The following PKN2 variants were observed in gnomAD, a reference collection of about 807,000 sequenced individuals.
PKN2 encodes the protein protein kinase N2, also known as serine/threonine-protein kinase N2.
Under a neutral mutation model 119.1 loss-of-function variants are expected in PKN2, and 38 were observed. That is an observed-to-expected ratio of 0.32 (90% CI 0.25 to 0.42). The LOEUF (loss-of-function observed/expected upper bound fraction) is 0.42, where lower values mean the gene tolerates loss of function less well. Ranked by LOEUF, PKN2 falls within the 10% of genes least tolerant of loss-of-function variation. PKN2 has a pLI of 1.00. For synonymous variants in PKN2, 390 were observed against 384.9 expected (o/e 1.01, Z -0.15); for missense variants, 850 against 1,165.1 (o/e 0.73, Z 3.94).
chr1:88,684,705 GA>G, intron 1 of PKN2, 77 bp downstream of exon 1: 2 of 1,304,514 alleles, frequency 1.5e-6, no homozygotes, highest in Non-Finnish European at 2.0e-6. Flanking sequence ...GGGGACCGAG[GA>G]AAGCCCTGCG....
At chr1:88,748,954 A>C (rs570657852) in intron 2 of PKN2, among the ~76,000 whole-genome samples, 41 of 152,238 alleles carry the variant, frequency 2.7e-4, no homozygotes, top group Middle Eastern at 3.4e-3. Flanking sequence ...TAAACTGCCA[A>C]ATATATTCTA....
At chr1:88,746,431 A>T (rs542600671) in intron 2 of PKN2, among the ~76,000 whole-genome samples, 34 of 152,314 alleles carry the variant, frequency 2.2e-4, no homozygotes, top group African/African-American at 7.0e-4. Context: ...AATCTTATTT[A>T]AAAAATGGGC....
At chr1:88,734,765 A>G (rs1668273110) in intron 1 of PKN2, among the ~76,000 whole-genome samples, 1 of 152,136 alleles carries the variant, frequency 6.6e-6, no homozygotes, top group Admixed American at 6.5e-5. Context: ...TATTTCTTAT[A>G]GGTTTTTGCT....
intron 1 of PKN2, among the ~76,000 whole-genome samples, chr1:88,722,854 G>A (rs1256424814): frequency 2.6e-5 from 4 of 151,936 alleles, no homozygotes; most frequent in African/African-American, 9.7e-5. Flanking sequence ...ATAGTAGTGA[G>A]CAAGAAAGAT....
At chr1:88,830,571 A>G (rs139528707) in intron 19 of PKN2, among the ~76,000 whole-genome samples, 131 of 152,212 alleles carry the variant, frequency 8.6e-4, no homozygotes, top group African/African-American at 3.0e-3. Context: ...TTTACTCTCC[A>G]TATTAGAGAT....
chr1:88,786,023 T>C (rs768726690), intron 7 of PKN2, 81 bp from the exon 8 acceptor site: 1 of 786,540 alleles, frequency 1.3e-6, no homozygotes, highest in Non-Finnish European at 2.2e-6. Context: ...CTTAAGACTT[T>C]TATTGCTAAT....
At chr1:88,749,916 T>G (rs1279441757) in intron 2 of PKN2, among the ~76,000 whole-genome samples, 1 of 152,208 alleles carries the variant, frequency 6.6e-6, no homozygotes, top group East Asian at 1.9e-4. Context: ...ATCCTGGCTA[T>G]TCAAGTACCA....
chr1:88,698,693 C>G (rs1157743074), intron 1 of PKN2, among the ~76,000 whole-genome samples: 1 of 152,084 alleles, frequency 6.6e-6, no homozygotes, highest in Non-Finnish European at 1.5e-5. Context: ...TTCAATTAGT[C>G]CTACTCCCCA....
chr1:88,825,323 A>G (rs1377475743), intron 18 of PKN2, among the ~76,000 whole-genome samples: 1 of 152,162 alleles, frequency 6.6e-6, no homozygotes, highest in Non-Finnish European at 1.5e-5. Context: ...TTTGACTAGC[A>G]GCTATATCCT....
intron 2 of PKN2, among the ~76,000 whole-genome samples, chr1:88,757,225 G>T (rs2100775086): frequency 6.6e-6 from 1 of 152,192 alleles, no homozygotes; most frequent in Non-Finnish European, 1.5e-5. Context: ...TGTCTCAAAA[G>T]GTTATTTTAA....
At chr1:88,829,067 C>T (rs1672624721) in intron 19 of PKN2, 1 of 666,932 alleles carries the variant, frequency 1.5e-6, no homozygotes, top group Non-Finnish European at 2.9e-6. Context: ...TACTGAAGTT[C>T]CTGGGGAAGC....
chr1:88,808,671 A>C (rs1308316366), intron 15 of PKN2, among the ~76,000 whole-genome samples: 2 of 152,196 alleles, frequency 1.3e-5, no homozygotes, highest in Non-Finnish European at 1.5e-5. Flanking sequence ...AATATACTTT[A>C]AAAAATGACT....
rs994927526 is a variant in PKN2 at position 88,834,380 on chromosome 1, G to T, written c.*932G>T. The T allele has an allele frequency of 4.6e-5, 7 of 152,378 alleles. No homozygotes were observed. The East Asian group carries it at 7.7e-4, about 17-fold the overall frequency. 9.4% of individuals were successfully genotyped at this position (152,378 alleles called of 1,614,324 possible). ...AAGGGAACCATAACTTGGTTAAACC[G>T]TAGGGATTATCATTGTATACATGCT... On this transcript the variant is annotated 3_prime_UTR_variant, in exon 22 of 22. Coordinates refer to ENST00000370521, the MANE Select transcript of PKN2 (RefSeq NM_006256.4).
intron 16 of PKN2, among the ~76,000 whole-genome samples, chr1:88,818,614 C>T (rs1672113723): frequency 6.7e-6 from 1 of 149,666 alleles, no homozygotes; most frequent in African/African-American, 2.5e-5. Context: ...TGCCACTGCA[C>T]TCCAGCCTGG....
intron 1 of PKN2, among the ~76,000 whole-genome samples, chr1:88,687,021 A>G (rs1236830731): frequency 6.6e-6 from 1 of 152,104 alleles, no homozygotes; most frequent in Admixed American, 6.5e-5. Flanking sequence ...TTTACTCTGA[A>G]AGTTACATAT....
intron 15 of PKN2, among the ~76,000 whole-genome samples, chr1:88,811,671 T>A (rs982321813): frequency 6.6e-6 from 1 of 152,200 alleles, no homozygotes; most frequent in Non-Finnish European, 1.5e-5. Context: ...ACAGTCATTC[T>A]TGGTGCTCTT....
chr1:88,772,208 A>C (rs1669924658), intron 6 of PKN2, among the ~76,000 whole-genome samples: 1 of 152,132 alleles, frequency 6.6e-6, no homozygotes, highest in Non-Finnish European at 1.5e-5. Flanking sequence ...AGATTTGTCT[A>C]TTCTAGATTT....
intron 6 of PKN2, among the ~76,000 whole-genome samples, chr1:88,783,836 AT>A (rs1032599822): frequency 2.0e-5 from 3 of 152,144 alleles, no homozygotes; most frequent in Non-Finnish European, 4.4e-5. Flanking sequence ...ACAACCCATG[AT>A]TTTTTGGCTA....
At chr1:88,710,367 G>T (rs1431081385) in intron 1 of PKN2, among the ~76,000 whole-genome samples, 1 of 152,140 alleles carries the variant, frequency 6.6e-6, no homozygotes, top group East Asian at 1.9e-4. Flanking sequence ...ATATTGAGGA[G>T]AAATTTTGCA....
Sources: allele counts gnomAD v4.1 joint callset (sites outside exome capture counted in the v4.1 genomes callset), GRCh38; gene constraint gnomAD v4.1.1; transcripts MANE v1.5; gene names NCBI Gene and HGNC (gene_info 2026-07-23, HGNC 2026-07-21).